Variants in IVD observed in about 807,000 individuals in gnomAD.
IVD encodes the protein isovaleryl-CoA dehydrogenase, mitochondrial.
IVD carries 31 observed loss-of-function variants against 51.3 expected under a neutral mutation model. The observed-to-expected ratio is 0.60, with a 90% confidence interval of 0.45 to 0.81. The LOEUF is 0.81. IVD is among the 40% of genes least tolerant of loss of function. The pLI, the probability that IVD is intolerant of heterozygous loss-of-function variation, is 0.00. For synonymous variants in IVD, 205 were observed against 219.4 expected, an observed-to-expected ratio of 0.93 and a Z score of 0.58; for missense variants, 475 against 552.0, an observed-to-expected ratio of 0.86 and a Z score of 1.40.
intron 7 of IVD, among the ~76,000 whole-genome samples, chr15:40,433,516 C>T (rs1893098500): frequency 6.6e-6 from 1 of 152,160 alleles, no homozygotes; most frequent in Non-Finnish European, 1.5e-5. Flanking sequence ...CCTGGTCTTC[C>T]AGTCCACAGC....
downstream of IVD, chr15:40,424,067 G>C: frequency 9.7e-6 from 10 of 1,032,314 alleles, no homozygotes; most frequent in South Asian, 1.5e-5. Flanking sequence ...ACTCTCAGAG[G>C]CTAGCCTGGT....
chr15:40,431,128 C>CT (rs35473765), intron 7 of IVD, among the ~76,000 whole-genome samples: 13,757 of 139,982 alleles, frequency 0.098, 801 homozygotes, highest in South Asian at 0.15. Context: ...TATTATTACG[C>CT]TTTTTTTTTT....
exon 9 of IVD, chr15:40,435,543 G>A: frequency 1.7e-6 from 2 of 1,194,548 alleles, no homozygotes; most frequent in Non-Finnish European, 2.1e-6. Context: ...CTCACACCCC[G>A]CGTGCTGCTC....
At chr15:40,408,428 T>C (rs1416262017) in intron 3 of IVD, among the ~76,000 whole-genome samples, 1 of 152,148 alleles carries the variant, frequency 6.6e-6, no homozygotes, top group Non-Finnish European at 1.5e-5. Context: ...AGGGACTGCC[T>C]GTGTCCTCTT....
In IVD at chr15:40,407,688, A is replaced by T; in HGVS notation, c.197A>T (p.Gln66Leu). The stretch of plus-strand genomic sequence containing the variant: ...CAGGAGCACCTGGCCCCCAAGGCCC[A>T]GGAGATCGATCGCAGCAATGAGTTC... ...FLQEHLAPKA[Q>L]EIDRSNEFKN... The change falls in exon 2 of 12, where the codon CAG (glutamine) becomes CTG (leucine). Residue 66 changes from glutamine (Q) to leucine (L), a missense_variant. Physicochemically the swap from Gln to Leu is moderately radical, Grantham distance 113. Coordinates refer to ENST00000487418, the MANE Select transcript of IVD (RefSeq NM_002225.5). 6.2e-7 allele frequency: 1 copy of T among 1,614,204 alleles called. No individual in the cohort carries two copies. Among genetic ancestry groups the T allele is most frequent in the Non-Finnish European group, 8.5e-7 (1 of 1,180,034 alleles).
intron 6 of IVD, 23 bp downstream of exon 6, chr15:40,411,714 C>T: frequency 6.2e-7 from 1 of 1,613,626 alleles, no homozygotes; most frequent in African/African-American, 1.3e-5. Flanking sequence ...GGGTGCAGGG[C>T]CAGGAGGCTT....
chr15:40,428,762 G>C (rs1892810604), downstream of IVD, among the ~76,000 whole-genome samples: 1 of 152,212 alleles, frequency 6.6e-6, no homozygotes, highest in South Asian at 2.1e-4. Context: ...AGCCCTGGAA[G>C]TGCCCCAGAA....
chr15:40,415,976 C>T (rs1277825219), intron 9 of IVD, 102 bp from the exon 10 acceptor site: 2 of 1,000,014 alleles, frequency 2.0e-6, no homozygotes, highest in Non-Finnish European at 3.1e-6. Flanking sequence ...CTCCATGCCC[C>T]TGCTTCCTCA....
At chr15:40,411,944 G>A (rs1891131784) in intron 6 of IVD, among the ~76,000 whole-genome samples, 1 of 152,196 alleles carries the variant, frequency 6.6e-6, no homozygotes, top group Admixed American at 6.5e-5. Context: ...GAAAGGGGAG[G>A]ACTAAAAGGA....
At chr15:40,434,035 C>CACCTGA in intron 8 of IVD, 3 of 398,668 alleles carry the variant, frequency 7.5e-6, no homozygotes, top group Admixed American at 2.9e-5. Context: ...CAGTGCAGGG[C>CACCTGA]AAGGATCACA....
intron 2 of IVD, 57 bp from the exon 3 acceptor site, chr15:40,407,882 T>C: frequency 6.3e-7 from 1 of 1,576,400 alleles, no homozygotes; most frequent in East Asian, 2.2e-5. Flanking sequence ...TCCAGCCACA[T>C]GTGACTGGCT....
chr15:40,418,842 A>C lies in IVD; in HGVS notation c.*579A>C, dbSNP rs1595799812. ...CTTTTCTGGGGGAAAAAAATAATAA[A>C]CCTAGCCTAGCCAGGCGTGGTGGCT... On this transcript the variant is annotated 3_prime_UTR_variant, in exon 12 of 12. Transcript: ENST00000487418. The C allele has an allele frequency of 1.4e-5, 13 of 896,828 alleles. No individual in the cohort carries two copies. Among genetic ancestry groups the C allele is most frequent in the Non-Finnish European group, 1.8e-5 (13 of 711,190 alleles). 55.6% of individuals were successfully genotyped at this position (896,828 alleles called of 1,614,324 possible).
At position 40,405,850 on chromosome 15, in the gene IVD, T is replaced by A; in HGVS notation, c.23T>A (p.Leu8Gln). 1 of 1,612,528 alleles carries A rather than the reference T, an allele frequency of 6.2e-7. No individual in the cohort carries two copies. Among genetic ancestry groups the A allele is most frequent in the South Asian group, 1.1e-5 (1 of 91,006 alleles). Residue 8 changes from leucine to glutamine, a missense_variant, in exon 1 of 12, where the codon CTG becomes CAG. Physicochemically the swap from Leu to Gln is moderately radical, Grantham distance 113. Coordinates refer to ENST00000487418, the MANE Select transcript of IVD (RefSeq NM_002225.5). ...GAGATGGCGACTGCGACTCGGCTGC[T>A]GGGGTGGCGTGTGGCGAGCTGGAGG... Reference protein sequence around the residue: MATATRLLGWRVASWRLR... With the variant: MATATRLQGWRVASWRLR...
chr15:40,411,541 C>A lies in IVD; in HGVS notation c.551-14C>A, dbSNP rs773174399. The A allele has an allele frequency of 6.2e-7, 1 of 1,614,212 alleles. No homozygotes were observed. The highest frequency in any genetic ancestry group is 1.1e-5 in the South Asian group (1 of 91,088). ...CAAGATGGCTTGAGCAAATAGCCAA[C>A]ATCCTGCCCTTAGGAAATCACTACA... On this transcript the variant is annotated splice_polypyrimidine_tract_variant and intron_variant, in intron 5 of 11. Transcript: ENST00000487418.
At chr15:40,416,773 C>T (rs781210796) in intron 11 of IVD, among the ~76,000 whole-genome samples, 7 of 152,170 alleles carry the variant, frequency 4.6e-5, no homozygotes, top group South Asian at 2.1e-4. Flanking sequence ...CTGGGACCTT[C>T]GGGCTCTTTC....
Position 40,407,556 on chromosome 15 carries a change from C to G in IVD, c.145-80C>G. 8.7e-6 allele frequency: 9 copies of G among 1,028,622 alleles called. No individual in the cohort carries two copies. In the South Asian group the frequency reaches 1.1e-4, roughly 13 times the overall value. The allele number at this position is 1,028,622 out of a possible 1,614,324, so 63.7% of individuals were successfully genotyped here. On this transcript the variant is annotated intron_variant, in intron 1 of 11. Coordinates refer to ENST00000487418, the MANE Select transcript of IVD (RefSeq NM_002225.5). ...AGTCTGATGCTGTTTGGGGAAGTTA[C>G]TTGTGGCCTTTTCTCTTGAATGTGT...
At chr15:40,425,321 T>C (rs1892605755), downstream of IVD, among the ~76,000 whole-genome samples, 1 of 151,892 alleles carries the variant, frequency 6.6e-6, no homozygotes, top group African/African-American at 2.4e-5. Context: ...GGAGCCACCA[T>C]CCTGAATTTG....
At chr15:40,417,489 C>G (rs989937033) in intron 11 of IVD, among the ~76,000 whole-genome samples, 2 of 133,028 alleles carry the variant, frequency 1.5e-5, no homozygotes, top group Admixed American at 1.7e-4. Flanking sequence ...GCCTAGGCCA[C>G]AGAGCATGAC....
intron 9 of IVD, 33 bp from the exon 10 acceptor site, chr15:40,416,045 G>A: frequency 6.3e-7 from 1 of 1,599,346 alleles, no homozygotes; most frequent in South Asian, 1.1e-5. Context: ...GAGTGTTCCA[G>A]CATGTTGACC....
Sources: allele counts gnomAD v4.1 joint callset (sites outside exome capture counted in the v4.1 genomes callset), GRCh38; gene constraint gnomAD v4.1.1; transcripts MANE v1.5; gene names NCBI Gene and HGNC (gene_info 2026-07-23, HGNC 2026-07-21).